Variants in STAT5B observed in about 807,000 individuals in gnomAD.
STAT5B encodes transcription factor STAT5B.
In STAT5B, 21 loss-of-function variants were observed where a neutral mutation model predicts 107.8. That is an observed-to-expected ratio of 0.19 (90% CI 0.14 to 0.28). The LOEUF is 0.28. STAT5B is among the 10% of genes least tolerant of loss of function. The pLI, the probability that STAT5B is intolerant of heterozygous loss-of-function variation, is 1.00. For synonymous variants in STAT5B, 325 were observed against 401.7 expected (o/e 0.81, Z 2.28); for missense variants, 565 against 1,008.2 (o/e 0.56, Z 5.95).
chr17:42,237,189 T>C (rs913621461), intron 1 of STAT5B, among the ~76,000 whole-genome samples: 12 of 152,296 alleles, frequency 7.9e-5, no homozygotes, highest in African/African-American at 2.6e-4. Context: ...CTTATATATC[T>C]GGATATACCC....
intron 1 of STAT5B, among the ~76,000 whole-genome samples, chr17:42,263,706 T>C (rs1266640308): frequency 1.3e-5 from 2 of 152,046 alleles, no homozygotes; most frequent in African/African-American, 4.8e-5. Context: ...TTTTAATTTT[T>C]TGTAGAGATA....
chr17:42,225,861 G>C (rs1354710737), intron 3 of STAT5B, among the ~76,000 whole-genome samples: 1 of 152,110 alleles, frequency 6.6e-6, no homozygotes, highest in Non-Finnish European at 1.5e-5. Flanking sequence ...CAATGTTAAC[G>C]TAATCATGAG....
upstream of STAT5B, among the ~76,000 whole-genome samples, chr17:42,280,990 C>T (rs2080793027): frequency 6.6e-6 from 1 of 151,902 alleles, no homozygotes; most frequent in Non-Finnish European, 1.5e-5. Context: ...AAAAATTAGC[C>T]GGGCGTGGTG....
chr17:42,271,113 T>C (rs970590121), intron 1 of STAT5B: 11 of 152,246 alleles, frequency 7.2e-5, no homozygotes, highest in South Asian at 2.1e-4. Context: ...AGGTGAGCCA[T>C]GGTAAGCAGA....
At chr17:42,268,691 C>T (rs1359498148) in intron 1 of STAT5B, 1 of 152,048 alleles carries the variant, frequency 6.6e-6, no homozygotes, top group East Asian at 1.9e-4. Context: ...AAACAGATCA[C>T]CAATCCTGCA....
intron 1 of STAT5B, among the ~76,000 whole-genome samples, chr17:42,261,594 T>C (rs1472371452): frequency 6.6e-6 from 1 of 152,192 alleles, no homozygotes; most frequent in Non-Finnish European, 1.5e-5. Flanking sequence ...AGGGTCTCAC[T>C]CTGTCACCCA....
intron 16 of STAT5B, among the ~76,000 whole-genome samples, chr17:42,204,690 T>C (rs1348353784): frequency 6.6e-6 from 1 of 152,248 alleles, no homozygotes; most frequent in African/African-American, 2.4e-5. Context: ...TCATAGCTCA[T>C]TGCAGCCTCA....
chr17:42,228,448 T>A (rs575644488), intron 2 of STAT5B, among the ~76,000 whole-genome samples: 1 of 152,146 alleles, frequency 6.6e-6, no homozygotes, highest in Non-Finnish European at 1.5e-5. Flanking sequence ...TAGGCAACAA[T>A]TGACACTGGG....
chr17:42,211,267 G>A (rs1024447654), intron 13 of STAT5B, among the ~76,000 whole-genome samples: 7 of 151,954 alleles, frequency 4.6e-5, no homozygotes, highest in African/African-American at 1.5e-4. Flanking sequence ...CAGCACTTTG[G>A]GAGGCCGAGG....
chr17:42,221,897 C>CTGTG (rs940479165), intron 5 of STAT5B, among the ~76,000 whole-genome samples: 9 of 149,502 alleles, frequency 6.0e-5, no homozygotes, highest in South Asian at 2.1e-4. Context: ...GGAGCATGTG[C>CTGTG]TGTGTGTGTG....
chr17:42,247,576 G>A (rs545355184), intron 1 of STAT5B, among the ~76,000 whole-genome samples: 71 of 152,244 alleles, frequency 4.7e-4, no homozygotes, highest in African/African-American at 1.5e-3. Flanking sequence ...CCCAAGTTGT[G>A]GGGTGTCCTA....
chr17:42,202,967 C>T, intron 16 of STAT5B, 159 bp from the exon 17 acceptor site: 1 of 934,584 alleles, frequency 1.1e-6, no homozygotes. Context: ...TTTTTTGAAA[C>T]AGTCTCACTC....
chr17:42,223,646 G>A lies in STAT5B; in HGVS notation c.376-90C>T, dbSNP rs901429603. 2.0e-6 allele frequency: 3 copies of A among 1,513,472 alleles called. No homozygotes were observed. The African/African-American group carries it at 4.2e-5, about 21-fold the overall frequency. The allele number at this position is 1,513,472 out of a possible 1,614,324, so 93.8% of individuals were successfully genotyped here. ...CAGGAAAAGCCAGCTCCTACAACCA[G>A]GGTAAGACCCCAAAAGGTAAATTTT... is the stretch of plus-strand genomic sequence containing the variant. On this transcript the variant is annotated intron_variant, in intron 4 of 18. Coordinates refer to ENST00000293328, the MANE Select transcript of STAT5B (RefSeq NM_012448.4).
intron 16 of STAT5B, 36 bp downstream of exon 16, chr17:42,207,517 ACACAC>A: frequency 3.1e-6 from 5 of 1,604,332 alleles, no homozygotes; most frequent in Non-Finnish European, 4.3e-6. Flanking sequence ...ACACACACAC[ACACAC>A]ACAACAAAAT....
At chr17:42,207,335 A>G (rs1295748058) in intron 16 of STAT5B, among the ~76,000 whole-genome samples, 4 of 152,236 alleles carry the variant, frequency 2.6e-5, no homozygotes, top group African/African-American at 9.6e-5. Context: ...GTTTTCTTCA[A>G]TTTGATATTT....
intron 1 of STAT5B, among the ~76,000 whole-genome samples, chr17:42,232,669 G>T (rs2080326629): frequency 6.6e-6 from 1 of 152,110 alleles, no homozygotes; most frequent in South Asian, 2.1e-4. Context: ...ACACAGCTGG[G>T]TCTATGAAGC....
chr17:42,270,019 G>A (rs1367902623), intron 1 of STAT5B, among the ~76,000 whole-genome samples: 1 of 151,870 alleles, frequency 6.6e-6, no homozygotes, highest in Non-Finnish European at 1.5e-5. Context: ...AGACCAGCCT[G>A]GCCAACATGT....
chr17:42,284,497 C>T, the STAT5B span, among the ~76,000 whole-genome samples: 1 of 152,180 alleles, frequency 6.6e-6, no homozygotes. Flanking sequence ...GAACTCCTGA[C>T]CTCAGGTGAT....
chr17:42,227,572 A>C lies in STAT5B; in HGVS notation c.242T>G (p.Phe81Cys). Residue 81 changes from phenylalanine to cysteine, a missense_variant, in exon 3 of 19, where the codon TTT (phenylalanine) becomes TGT (cysteine). This residue lies in a region of STAT5B where 83 missense variants were observed against 145.1 expected (regional missense o/e 0.57). Coordinates refer to ENST00000293328, the MANE Select transcript of STAT5B (RefSeq NM_012448.4). ...GTGCCCCAGCTTGATCTTCAGTAAA[A>C]ACCCATCTTCCCCCACCTGGTGCTC... Reference protein sequence around the residue: ...KAEHQVGEDGFLLKIKLGHYA... With the variant: ...KAEHQVGEDGCLLKIKLGHYA... The C allele has an allele frequency of 3.1e-6, 5 of 1,613,470 alleles. No individual in the cohort carries two copies. The highest frequency in any genetic ancestry group is 4.2e-6 in the Non-Finnish European group (5 of 1,179,846).
Sources: allele counts gnomAD v4.1 joint callset (sites outside exome capture counted in the v4.1 genomes callset), GRCh38; gene constraint gnomAD v4.1.1; regional missense constraint gnomAD v4.1.1; transcripts MANE v1.5; gene names NCBI Gene and HGNC (gene_info 2026-07-23, HGNC 2026-07-21).